Variants in NFIB observed in about 807,000 individuals in gnomAD.
NFIB encodes the protein nuclear factor I B.
Under a neutral mutation model 61.5 loss-of-function variants are expected in NFIB, and 11 were observed. The observed-to-expected ratio is 0.18, with a 90% confidence interval of 0.11 to 0.30. NFIB has a LOEUF of 0.30. NFIB is among the 10% of genes least tolerant of loss of function. The probability of loss-of-function intolerance (pLI) is 1.00; values close to 1 mark genes in which losing one functional copy is unlikely to be tolerated. For missense variants in NFIB, 471 were observed against 608.9 expected (o/e 0.77, Z 2.38); for synonymous variants, 260 against 216.5 (o/e 1.20, Z -1.76).
At chr9:14,103,349 G>A (rs139589640) in intron 10 of NFIB, among the ~76,000 whole-genome samples, 22 of 147,194 alleles carry the variant, frequency 1.5e-4, no homozygotes, top group Middle Eastern at 3.4e-3. Flanking sequence ...GGTTGGGGGG[G>A]GGGAAACACA....
chr9:14,227,137 G>A (rs1362055157), intron 2 of NFIB, among the ~76,000 whole-genome samples: 6 of 131,650 alleles, frequency 4.6e-5, no homozygotes, highest in Non-Finnish European at 9.5e-5. Context: ...GCAAAACTCC[G>A]TGTCAAAAAA....
intron 1 of NFIB, among the ~76,000 whole-genome samples, chr9:14,377,327 C>T (rs147085431): frequency 1.8e-4 from 27 of 152,306 alleles, no homozygotes; most frequent in East Asian, 1.7e-3. Flanking sequence ...TTAATCCTTA[C>T]GCCTCAGCCT....
intron 2 of NFIB, among the ~76,000 whole-genome samples, chr9:14,183,740 AG>A (rs2047055408): frequency 6.6e-6 from 1 of 152,056 alleles, no homozygotes. Context: ...GTAGAGAAAA[AG>A]AGAGGAGTTT....
chr9:14,352,630 G>A (rs1212107099), intron 1 of NFIB, among the ~76,000 whole-genome samples: 1 of 152,186 alleles, frequency 6.6e-6, no homozygotes, highest in East Asian at 1.9e-4. Flanking sequence ...CTGTCACCCG[G>A]GCCCTCAGTG....
the NFIB span, among the ~76,000 whole-genome samples, chr9:14,468,833 ACT>A: frequency 2.0e-5 from 3 of 152,178 alleles, no homozygotes; most frequent in South Asian, 4.1e-4. Flanking sequence ...GGGAACTAAG[ACT>A]CTCACAAGTA....
At chr9:14,164,208 A>C (rs1178811303) in intron 3 of NFIB, among the ~76,000 whole-genome samples, 3 of 152,114 alleles carry the variant, frequency 2.0e-5, no homozygotes, top group Middle Eastern at 3.2e-3. Flanking sequence ...TTAAGGGAAA[A>C]AGAGAAAGTA....
At chr9:14,109,336 C>T (rs891606919) in intron 10 of NFIB, among the ~76,000 whole-genome samples, 5 of 151,586 alleles carry the variant, frequency 3.3e-5, no homozygotes, top group South Asian at 2.1e-4. Context: ...ACAATGTGTT[C>T]GTGAATTATA....
chr9:14,440,712 G>C, the NFIB span, among the ~76,000 whole-genome samples: 1 of 152,154 alleles, frequency 6.6e-6, no homozygotes, highest in Non-Finnish European at 1.5e-5. Flanking sequence ...AGAGAAACCA[G>C]GGAACTGGAT....
chr9:14,162,162 G>A (rs1213669660), intron 3 of NFIB, among the ~76,000 whole-genome samples: 2 of 151,958 alleles, frequency 1.3e-5, no homozygotes, highest in African/African-American at 2.4e-5. Flanking sequence ...AATAGAAATT[G>A]TGCTAGCAGG....
At chr9:14,278,251 G>A (rs150418852) in intron 2 of NFIB, among the ~76,000 whole-genome samples, 6 of 152,310 alleles carry the variant, frequency 3.9e-5, no homozygotes, top group African/African-American at 1.4e-4. Context: ...TCTGTTGGTA[G>A]GTAAAAGTAA....
the NFIB span, among the ~76,000 whole-genome samples, chr9:14,447,827 G>C: frequency 6.6e-6 from 1 of 152,106 alleles, no homozygotes; most frequent in Non-Finnish European, 1.5e-5. Flanking sequence ...TTCAACAAAT[G>C]ATCCCAGTTC....
chr9:14,459,782 G>C, the NFIB span, among the ~76,000 whole-genome samples: 2 of 151,404 alleles, frequency 1.3e-5, no homozygotes, highest in Non-Finnish European at 2.9e-5. Context: ...CATCATCACT[G>C]GCCATCAGAG....
At chr9:14,298,407 G>T (rs1023070194) in intron 2 of NFIB, among the ~76,000 whole-genome samples, 1 of 152,188 alleles carries the variant, frequency 6.6e-6, no homozygotes, top group African/African-American at 2.4e-5. Flanking sequence ...AATATAAAAA[G>T]CTGAAAAGTC....
chr9:14,508,557 A>T, the NFIB span, among the ~76,000 whole-genome samples: 1 of 152,232 alleles, frequency 6.6e-6, no homozygotes, highest in Non-Finnish European at 1.5e-5. Flanking sequence ...ATATGACATA[A>T]AGTCCAGGAA....
the NFIB span, among the ~76,000 whole-genome samples, chr9:14,429,940 T>C: frequency 6.6e-6 from 1 of 152,268 alleles, no homozygotes; most frequent in Non-Finnish European, 1.5e-5. Flanking sequence ...GAGTATTCAT[T>C]GTATGACTAA....
chr9:14,453,373 C>A, the NFIB span, among the ~76,000 whole-genome samples: 1 of 152,262 alleles, frequency 6.6e-6, no homozygotes, highest in Non-Finnish European at 1.5e-5. Context: ...TGCAACCACA[C>A]TATGATGTTC....
intron 2 of NFIB, among the ~76,000 whole-genome samples, chr9:14,191,105 A>T (rs1028901318): frequency 2.6e-5 from 4 of 152,094 alleles, no homozygotes; most frequent in Non-Finnish European, 5.9e-5. Flanking sequence ...AAGTGGGAGG[A>T]TCACCTGAGG....
At chr9:14,300,843 G>C (rs1204534970) in intron 2 of NFIB, among the ~76,000 whole-genome samples, 1 of 152,200 alleles carries the variant, frequency 6.6e-6, no homozygotes, top group Non-Finnish European at 1.5e-5. Context: ...TAGCCTACCA[G>C]TCTAGTTTTT....
chr9:14,348,922 C>A (rs1191271455), intron 1 of NFIB, among the ~76,000 whole-genome samples: 1 of 152,252 alleles, frequency 6.6e-6, no homozygotes, highest in African/African-American at 2.4e-5. Flanking sequence ...AAAAAACCTC[C>A]TGGCGGCTTC....
Sources: gnomAD v4.1 joint callset for allele counts (sites outside exome capture counted in the v4.1 genomes callset) on GRCh38, gnomAD v4.1.1 for gene constraint, MANE v1.5 for transcripts, NCBI Gene and HGNC (gene_info 2026-07-23, HGNC 2026-07-21) for gene names.